Variants in ERCC6 observed in about 807,000 individuals in gnomAD.
The protein encoded by ERCC6 is DNA excision repair protein ERCC-6.
ERCC6 carries 116 observed loss-of-function variants against 158.7 expected under a neutral mutation model. The ratio of observed to expected loss-of-function variants is 0.73; its 90% CI spans 0.63 to 0.85. The LOEUF (loss-of-function observed/expected upper bound fraction) is 0.85, where lower values mean the gene tolerates loss of function less well. Ranked by LOEUF, ERCC6 falls within the 40% of genes least tolerant of loss-of-function variation. The pLI is 0.00. For missense variants in ERCC6, 1,698 were observed against 1,799.4 expected, an observed-to-expected ratio of 0.94 and a Z score of 1.02; for synonymous variants, 678 against 659.3, an observed-to-expected ratio of 1.03 and a Z score of -0.43.
chr10:49,461,574 A>G lies in ERCC6; in HGVS notation c.3779-18T>C. On this transcript the variant is annotated intron_variant, in intron 18 of 20. Coordinates refer to ENST00000355832, the MANE Select transcript of ERCC6 (RefSeq NM_000124.4). ...CACGCCAACTAGCAAGAAAAGAAAT[A>G]GCAAAGTGATATTTCACTCTGTATG... is the stretch of plus-strand genomic sequence containing the variant. 6.2e-7 allele frequency: 1 copy of G among 1,605,230 alleles called. No individual in the cohort carries two copies. Among genetic ancestry groups the G allele is most frequent in the South Asian group, 1.1e-5 (1 of 89,542 alleles).
chr10:49,495,340 C>T (rs899519307), intron 7 of ERCC6, among the ~76,000 whole-genome samples: 1 of 152,220 alleles, frequency 6.6e-6, no homozygotes, highest in Non-Finnish European at 1.5e-5. Flanking sequence ...GCCTCTCACA[C>T]ACCTGGAGCA....
At chr10:49,517,521 T>C (rs967216662) in intron 5 of ERCC6, among the ~76,000 whole-genome samples, 1 of 152,254 alleles carries the variant, frequency 6.6e-6, no homozygotes, top group Non-Finnish European at 1.5e-5. Context: ...AACTCCCACA[T>C]GCTTAGCGTT....
chr10:49,444,878 C>G, the ERCC6 span, among the ~76,000 whole-genome samples: 5 of 152,122 alleles, frequency 3.3e-5, no homozygotes, highest in African/African-American at 9.7e-5. Flanking sequence ...AGCAATTTCC[C>G]TTATGATCTG....
chr10:49,465,666 G>T (rs1483860969), intron 18 of ERCC6, among the ~76,000 whole-genome samples: 1 of 152,160 alleles, frequency 6.6e-6, no homozygotes, highest in East Asian at 1.9e-4. Flanking sequence ...TGCTGTTCTT[G>T]TACTAGTGAA....
chr10:49,512,906 A>G (rs1412346832), intron 5 of ERCC6, among the ~76,000 whole-genome samples: 11 of 152,244 alleles, frequency 7.2e-5, no homozygotes, highest in Admixed American at 6.5e-4. Flanking sequence ...TTTTCGGACT[A>G]GGGATGGTCA....
chr10:49,513,226 G>A (rs1836853916), intron 5 of ERCC6, among the ~76,000 whole-genome samples: 1 of 152,138 alleles, frequency 6.6e-6, no homozygotes, highest in South Asian at 2.1e-4. Context: ...GCTAGGCTCT[G>A]GCACTCACTC....
At position 49,534,517 on chromosome 10, in the gene ERCC6, T is replaced by G. The variant is rs568251866; in HGVS notation, c.-14-1539A>C. On this transcript the variant is annotated intron_variant, in intron 1 of 20. Transcript: ENST00000355832. ...AAAATTCATGGTATGAACACACTTATGCTGAAAAAAGTATCTATCCTGCAC... is the reference window on the plus strand; with the variant it reads ...AAAATTCATGGTATGAACACACTTAGGCTGAAAAAAGTATCTATCCTGCAC... 6.6e-5 allele frequency among the ~76,000 whole-genome samples: 10 copies of G among 152,288 alleles called. No individual in the cohort carries two copies. The East Asian group carries it at 1.9e-3, about 29-fold the overall frequency.
At position 49,459,449 on chromosome 10, in the gene ERCC6, T is replaced by A. The variant is rs1850538922; in HGVS notation, c.4063-215A>T. ...TAAGAGACCGTTTCCTAAAAAAAAATAAAGAGGGGGCAACCAAGCCATTCC... is the reference window on the plus strand; with the variant it reads ...TAAGAGACCGTTTCCTAAAAAAAAAAAAAGAGGGGGCAACCAAGCCATTCC... On this transcript the variant is annotated intron_variant, in intron 20 of 20. Transcript: ENST00000355832. Among the ~76,000 whole-genome samples, 1 of 151,550 alleles carries A rather than the reference T, an allele frequency of 6.6e-6. No individual in the cohort carries two copies. Among genetic ancestry groups the A allele is most frequent in the African/African-American group, 2.4e-5 (1 of 41,208 alleles).
At position 49,493,233 on chromosome 10, in the gene ERCC6, T is replaced by A. The variant is rs751786870; in HGVS notation, c.1705A>T (p.Thr569Ser). ...ACTGTTGTTGGACAGACAATTACAG[T>A]TGGACCCAACCCCTCAAACCTGCAT... is the stretch of plus-strand genomic sequence containing the variant. Reference protein sequence around the residue: ...SNYRFEGLGPTVIVCPTTVMH... With the variant: ...SNYRFEGLGPSVIVCPTTVMH... The change falls in exon 8 of 21, where the codon ACT becomes TCT. Residue 569 changes from threonine (T) to serine (S), a missense_variant. Transcript: ENST00000355832. 6.2e-7 allele frequency: 1 copy of A among 1,614,140 alleles called. No individual in the cohort carries two copies. The highest frequency in any genetic ancestry group is 2.2e-5 in the East Asian group (1 of 44,872).
chr10:49,514,333 T>A (rs1836887893), intron 5 of ERCC6, among the ~76,000 whole-genome samples: 1 of 152,212 alleles, frequency 6.6e-6, no homozygotes, highest in African/African-American at 2.4e-5. Context: ...TGAACAATCA[T>A]GTAATACACA....
At chr10:49,516,442 T>C (rs769343568) in intron 5 of ERCC6, 1 of 1,614,190 alleles carries the variant, frequency 6.2e-7, no homozygotes, top group Non-Finnish European at 8.5e-7. Flanking sequence ...TTAGAAAATA[T>C]AGTTTCAAAC....
At chr10:49,533,964 T>C (rs1837532309) in intron 1 of ERCC6, among the ~76,000 whole-genome samples, 2 of 151,462 alleles carry the variant, frequency 1.3e-5, no homozygotes, top group African/African-American at 4.9e-5. Context: ...TGAAACCCGA[T>C]CTCTACTAAA....
intron 18 of ERCC6, among the ~76,000 whole-genome samples, chr10:49,466,457 T>C (rs1850676665): frequency 6.6e-6 from 1 of 152,200 alleles, no homozygotes; most frequent in African/African-American, 2.4e-5. Flanking sequence ...TATTCCCTCA[T>C]CTTATTTTGC....
chr10:49,523,411 T>A (rs1446409487), intron 5 of ERCC6, among the ~76,000 whole-genome samples: 1 of 152,348 alleles, frequency 6.6e-6, no homozygotes, highest in East Asian at 1.9e-4. Context: ...GACAATGTCA[T>A]GGAGCTAAAA....
intron 4 of ERCC6, among the ~76,000 whole-genome samples, chr10:49,527,689 AT>A (rs1352877446): frequency 1.3e-5 from 2 of 152,230 alleles, no homozygotes; most frequent in East Asian, 1.9e-4. Flanking sequence ...AAATATACAT[AT>A]TTTTTTCTAT....
intron 13 of ERCC6, 60 bp downstream of exon 13, chr10:49,473,967 G>A: frequency 7.0e-7 from 1 of 1,433,062 alleles, no homozygotes; most frequent in African/African-American, 1.4e-5. Flanking sequence ...ATCCCATTTT[G>A]TGAGTTGATG....
At chr10:49,513,842 T>G (rs1025885134) in intron 5 of ERCC6, among the ~76,000 whole-genome samples, 2 of 151,354 alleles carry the variant, frequency 1.3e-5, no homozygotes, top group Non-Finnish European at 2.9e-5. Flanking sequence ...ACTATTGTTA[T>G]TCTCTCTCTC....
chr10:49,444,350 A>C, the ERCC6 span, among the ~76,000 whole-genome samples: 8 of 152,324 alleles, frequency 5.3e-5, no homozygotes, highest in East Asian at 1.5e-3. Flanking sequence ...GATCAACAGG[A>C]CAGGCAAACA....
At chr10:49,475,506 C>A in intron 12 of ERCC6, 1 of 394,462 alleles carries the variant, frequency 2.5e-6, no homozygotes, top group Non-Finnish European at 5.0e-6. Flanking sequence ...CCTGTAGCAA[C>A]CAATAAGAAA....
Sources: allele counts gnomAD v4.1 joint callset (sites outside exome capture counted in the v4.1 genomes callset), GRCh38; gene constraint gnomAD v4.1.1; transcripts MANE v1.5; gene names NCBI Gene and HGNC (gene_info 2026-07-23, HGNC 2026-07-21).